The following CACNA2D3 variants were observed in gnomAD, a reference collection of about 807,000 sequenced individuals.
The protein encoded by CACNA2D3 is calcium voltage-gated channel auxiliary subunit alpha2delta 3.
CACNA2D3 carries 60 observed loss-of-function variants against 160.6 expected under a neutral mutation model. The observed-to-expected ratio is 0.37, with a 90% CI of 0.30 to 0.46. CACNA2D3 has a LOEUF of 0.46. CACNA2D3 is among the 20% of genes least tolerant of loss of function. The pLI is 1.00. For synonymous variants in CACNA2D3, 558 were observed against 492.9 expected (o/e 1.13, Z -1.75); for missense variants, 1,205 against 1,365.0 (o/e 0.88, Z 1.85).
intron 9 of CACNA2D3, among the ~76,000 whole-genome samples, chr3:54,598,939 A>G (rs1703012177): frequency 1.3e-5 from 2 of 152,324 alleles, no homozygotes; most frequent in South Asian, 4.1e-4. Context: ...TTTCGTGGCC[A>G]GCATCTAATG....
At chr3:54,918,479 A>G (rs1329970657) in intron 27 of CACNA2D3, 12 of 1,613,416 alleles carry the variant, frequency 7.4e-6, no homozygotes, top group Non-Finnish European at 8.5e-7. Flanking sequence ...GAGCTGTCAA[A>G]TCGCTCTTTT....
At chr3:54,844,110 T>C in intron 16 of CACNA2D3, among the ~76,000 whole-genome samples, 1 of 151,930 alleles carries the variant, frequency 6.6e-6, no homozygotes, top group East Asian at 1.9e-4. Flanking sequence ...GGGGACAGAA[T>C]CTTAGGGAAA....
intron 35 of CACNA2D3, among the ~76,000 whole-genome samples, chr3:55,051,772 G>A (rs1333865399): frequency 2.0e-5 from 3 of 152,128 alleles, no homozygotes; most frequent in Non-Finnish European, 2.9e-5. Context: ...GTGGGCGTAG[G>A]ACCCTCCGAG....
chr3:54,248,383 A>C (rs1044220689), intron 2 of CACNA2D3, among the ~76,000 whole-genome samples: 2 of 151,356 alleles, frequency 1.3e-5, no homozygotes, highest in East Asian at 3.9e-4. Flanking sequence ...CGGGAGGCTG[A>C]GGCAGGAGAA....
At chr3:54,433,080 A>G (rs1051765385) in intron 4 of CACNA2D3, among the ~76,000 whole-genome samples, 1 of 152,236 alleles carries the variant, frequency 6.6e-6, no homozygotes, top group African/African-American at 2.4e-5. Flanking sequence ...ATGAACACAC[A>G]TCTACTTGCC....
chr3:54,613,443 G>A (rs1698784896), intron 9 of CACNA2D3, among the ~76,000 whole-genome samples: 2 of 152,174 alleles, frequency 1.3e-5, no homozygotes, highest in African/African-American at 2.4e-5. Flanking sequence ...AATTACAGCT[G>A]TTTGGTTTTA....
chr3:54,150,977 T>C (rs1379107914), intron 2 of CACNA2D3, among the ~76,000 whole-genome samples: 2 of 148,682 alleles, frequency 1.3e-5, no homozygotes, highest in Non-Finnish European at 3.0e-5. Context: ...GATGGATGGG[T>C]AAATGGATGG....
rs951412015 is a variant in CACNA2D3, at chr3:54,442,586, T to C, written c.381+55812T>C. ...CTTGTTTAAGCCATGGTGGGGTGGC[T>C]TTTCTGCTCCTTGCAGCTGAACGCG... is the stretch of plus-strand genomic sequence containing the variant. On this transcript the variant is annotated intron_variant, in intron 4 of 37. Coordinates refer to ENST00000474759, the MANE Select transcript of CACNA2D3 (RefSeq NM_018398.3). Among the ~76,000 whole-genome samples the C allele has an allele frequency of 2.6e-5, 4 of 152,324 alleles. No individual in the cohort carries two copies. The South Asian group carries it at 6.2e-4, about 24-fold the overall frequency.
chr3:54,825,898 C>T (rs1195703645), intron 14 of CACNA2D3, among the ~76,000 whole-genome samples: 1 of 151,812 alleles, frequency 6.6e-6, no homozygotes, highest in Non-Finnish European at 1.5e-5. Flanking sequence ...AAGGGATTTC[C>T]TGTGTGGAAG....
chr3:54,179,306 G>A (rs1473887457), intron 2 of CACNA2D3, among the ~76,000 whole-genome samples: 2 of 152,222 alleles, frequency 1.3e-5, no homozygotes, highest in Admixed American at 1.3e-4. Context: ...ACATGCAGAA[G>A]GATCTGGAAG....
chr3:54,272,936 C>G (rs1463559207), intron 2 of CACNA2D3: 1 of 152,330 alleles, frequency 6.6e-6, no homozygotes, highest in Non-Finnish European at 1.5e-5. Context: ...CAGGCTTTGT[C>G]TCTCCCTGAG....
intron 3 of CACNA2D3, among the ~76,000 whole-genome samples, chr3:54,350,500 TAGCGTTC>T (rs1399381772): frequency 6.6e-6 from 1 of 152,208 alleles, no homozygotes; most frequent in African/African-American, 2.4e-5. Context: ...ACTTTAGGAT[TAGCGTTC>T]AGAGGCTTTA....
chr3:54,294,100 C>T (rs570455606), intron 2 of CACNA2D3, among the ~76,000 whole-genome samples: 2 of 152,248 alleles, frequency 1.3e-5, no homozygotes, highest in South Asian at 4.2e-4. Flanking sequence ...AATAAAGAAG[C>T]TGGGATTTTG....
intron 27 of CACNA2D3, among the ~76,000 whole-genome samples, chr3:54,959,727 T>C (rs143445765): frequency 6.6e-6 from 1 of 152,238 alleles, no homozygotes; most frequent in East Asian, 1.9e-4. Context: ...TTCTGAAAGG[T>C]TGAAAGGGTG....
At chr3:54,334,932 A>C (rs1452133769) in intron 3 of CACNA2D3, among the ~76,000 whole-genome samples, 1 of 152,180 alleles carries the variant, frequency 6.6e-6, no homozygotes, top group Non-Finnish European at 1.5e-5. Context: ...CGATTTACTT[A>C]AACTCCCTAA....
chr3:54,475,819 G>GTGTGTGTGTGTGTGTGTGTT (rs1700820059), intron 4 of CACNA2D3, among the ~76,000 whole-genome samples: 1 of 151,380 alleles, frequency 6.6e-6, no homozygotes, highest in South Asian at 2.1e-4. Context: ...TTGTGTGTGT[G>GTGTGTGTGTGTGTGTGTGTT]TGTGTGTGTG....
intron 2 of CACNA2D3, among the ~76,000 whole-genome samples, chr3:54,148,848 G>A (rs950840524): frequency 1.3e-5 from 2 of 151,744 alleles, no homozygotes; most frequent in Admixed American, 1.3e-4. Context: ...GTGGTGGTGG[G>A]CATCTGTAAT....
chr3:54,376,586 A>G (rs1559464618), intron 3 of CACNA2D3, among the ~76,000 whole-genome samples: 1 of 152,138 alleles, frequency 6.6e-6, no homozygotes. Flanking sequence ...ATTGTAGCCC[A>G]CGCCACATTA....
intron 29 of CACNA2D3, among the ~76,000 whole-genome samples, chr3:54,973,833 T>C (rs988512049): frequency 2.3e-4 from 35 of 152,276 alleles, no homozygotes; most frequent in African/African-American, 8.4e-4. Context: ...TGATGTGAAG[T>C]AAGTGTCAAG....
Sources: allele counts gnomAD v4.1 joint callset (sites outside exome capture counted in the v4.1 genomes callset), GRCh38; gene constraint gnomAD v4.1.1; transcripts MANE v1.5; gene names NCBI Gene and HGNC (gene_info 2026-07-23, HGNC 2026-07-21).